GPRC6A: variants seen among roughly 807,000 people sequenced by gnomAD.
The protein encoded by GPRC6A is G protein-coupled receptor family C group 6 member A.
GPRC6A carries 54 observed loss-of-function variants against 47.0 expected under a neutral mutation model. The ratio of observed to expected loss-of-function variants is 1.15; its 90% CI spans 0.92 to 1.44. The LOEUF (loss-of-function observed/expected upper bound fraction) is 1.44. GPRC6A is among the 40% of genes most tolerant of loss of function. GPRC6A has a pLI of 0.00. For missense variants in GPRC6A, 1,112 were observed against 1,105.5 expected (o/e 1.01, Z -0.08); for synonymous variants, 347 against 377.1 (o/e 0.92, Z 0.93).
intron 4 of GPRC6A, among the ~76,000 whole-genome samples, chr6:116,798,894 A>G (rs1204024058): frequency 6.6e-6 from 1 of 152,036 alleles, no homozygotes; most frequent in African/African-American, 2.4e-5. Flanking sequence ...GAAAAAAAAA[A>G]AAAAAAAGAA....
Position 116,821,959 on chromosome 6 carries a change from C to A in GPRC6A, c.194+6861G>T, listed in dbSNP as rs766546399. Among the ~76,000 whole-genome samples the A allele has an allele frequency of 2.2e-3, 332 of 148,498 alleles. 3 individuals carry two copies. Among genetic ancestry groups the A allele is most frequent in the Non-Finnish European group, 3.8e-3 (256 of 67,458 alleles). ...TGGGAGAAAATTTTCACAACCTACT[C>A]ATCTGACAAAGGTCTAATATCCAGA... On this transcript the variant is annotated intron_variant, in intron 1 of 5. Coordinates refer to ENST00000310357, the MANE Select transcript of GPRC6A (RefSeq NM_148963.4).
chr6:116,810,965 G>A (rs1239115243), intron 1 of GPRC6A, among the ~76,000 whole-genome samples: 3 of 152,052 alleles, frequency 2.0e-5, no homozygotes, highest in African/African-American at 4.8e-5. Context: ...TCCACTATCA[G>A]TATTTGAGTA....
chr6:116,794,171 A>G (rs1325892663), intron 5 of GPRC6A, among the ~76,000 whole-genome samples: 1 of 152,132 alleles, frequency 6.6e-6, no homozygotes, highest in Non-Finnish European at 1.5e-5. Flanking sequence ...ATCTGATGAC[A>G]CCCCACAGCC....
Position 116,809,564 on chromosome 6 carries a change from A to C in GPRC6A, c.248T>G (p.Met83Arg), listed in dbSNP as rs754501914. The C allele has an allele frequency of 1.2e-6, 2 of 1,612,768 alleles. No homozygotes were observed. Among genetic ancestry groups the C allele is most frequent in the South Asian group, 1.1e-5 (1 of 91,060 alleles). Residue 83 changes from methionine (M) to arginine (R), a missense_variant, in exon 2 of 6, where the codon ATG (methionine) becomes AGG (arginine). Coordinates refer to ENST00000310357, the MANE Select transcript of GPRC6A (RefSeq NM_148963.4). ...AGGTAAGAGTGTTGAATTGTTGATC[A>C]TCTCAATGCTGTGTATCATGGCAAG... ...QTLAMIHSIE[M>R]INNSTLLPGV...
At chr6:116,823,089 T>A (rs977542295) in intron 1 of GPRC6A, among the ~76,000 whole-genome samples, 1 of 151,984 alleles carries the variant, frequency 6.6e-6, no homozygotes, top group African/African-American at 2.4e-5. Flanking sequence ...CCAGAAATTT[T>A]TGTTTGTTTG....
At chr6:116,802,287 GTTAATC>G (rs770284967) in intron 3 of GPRC6A, among the ~76,000 whole-genome samples, 6 of 152,024 alleles carry the variant, frequency 3.9e-5, no homozygotes, top group Non-Finnish European at 7.4e-5. Flanking sequence ...TTGAAGTAAG[GTTAATC>G]TTAAACATTA....
chr6:116,815,546 G>C (rs888454753), intron 1 of GPRC6A, among the ~76,000 whole-genome samples: 4 of 152,122 alleles, frequency 2.6e-5, no homozygotes, highest in Non-Finnish European at 5.9e-5. Flanking sequence ...AGAACATTTT[G>C]TCCAACAACT....
chr6:116,829,056 C>G lies in GPRC6A; in HGVS notation c.-43G>C. The G allele has an allele frequency of 6.4e-7, 1 of 1,570,360 alleles. No individual in the cohort carries two copies. Among genetic ancestry groups the G allele is most frequent in the African/African-American group, 1.4e-5 (1 of 73,512 alleles). On this transcript the variant is annotated 5_prime_UTR_variant, in exon 1 of 6. The change abolishes an upstream ATG in the 5' untranslated region. Coordinates refer to ENST00000310357, the MANE Select transcript of GPRC6A (RefSeq NM_148963.4). The stretch of plus-strand genomic sequence containing the variant: ...TCAGTTCATGTGAGTTCTTAGGAAT[C>G]ATTAAGTGCACGGAGTGCCAGCAAG...
chr6:116,811,983 C>A (rs1019023295), intron 1 of GPRC6A, among the ~76,000 whole-genome samples: 1 of 151,918 alleles, frequency 6.6e-6, no homozygotes, highest in African/African-American at 2.4e-5. Flanking sequence ...AAAAACTTTC[C>A]ACATCCAGCA....
chr6:116,796,999 CATTAGGT>C (rs758044927), intron 4 of GPRC6A, among the ~76,000 whole-genome samples: 15 of 152,124 alleles, frequency 9.9e-5, no homozygotes, highest in Non-Finnish European at 1.6e-4. Context: ...CGTCATCTAG[CATTAGGT>C]ATATCTCCCA....
At chr6:116,801,144 A>G (rs1772662816) in intron 3 of GPRC6A, among the ~76,000 whole-genome samples, 2 of 152,174 alleles carry the variant, frequency 1.3e-5, no homozygotes, top group Admixed American at 6.5e-5. Flanking sequence ...TCATCAATGC[A>G]AGTACAATTA....
chr6:116,812,761 A>C (rs1483330251), intron 1 of GPRC6A, among the ~76,000 whole-genome samples: 2 of 152,228 alleles, frequency 1.3e-5, no homozygotes, highest in Admixed American at 6.5e-5. Flanking sequence ...TGGCCAGGGC[A>C]ATCAGGCAAG....
At chr6:116,824,333 T>G (rs1317364867) in intron 1 of GPRC6A, among the ~76,000 whole-genome samples, 1 of 151,264 alleles carries the variant, frequency 6.6e-6, no homozygotes, top group Non-Finnish European at 1.5e-5. Context: ...TAAAAAAAAT[T>G]TATAAATCAT....
In GPRC6A at chr6:116,818,528, C is replaced by T. The variant is rs1308920726; in HGVS notation, c.195-8911G>A. Among the ~76,000 whole-genome samples the T allele has an allele frequency of 7.0e-4, 13 of 18,636 alleles. No homozygotes were observed. The South Asian group carries it at 0.019, about 27-fold the overall frequency. 12.2% of individuals were successfully genotyped at this position (18,636 alleles called of 152,430 possible). A position where few individuals can be genotyped will look rare whatever the true frequency, so the allele number is the denominator to read the frequency against. On this transcript the variant is annotated intron_variant, in intron 1 of 5. Transcript: ENST00000310357. ...CAGCCTGGGCGACAGAGCGAGACTC[C>T]GTCTAAAAAAAAAAAAAAAAAAAAA...
chr6:116,795,299 G>A (rs538148239), intron 5 of GPRC6A, among the ~76,000 whole-genome samples: 75 of 152,126 alleles, frequency 4.9e-4, no homozygotes, highest in Admixed American at 9.8e-4. Context: ...TCTTAACTCC[G>A]GGTGCCTCTG....
Position 116,829,040 on chromosome 6 carries a change from G to T in GPRC6A, c.-27C>A, listed in dbSNP as rs777765190. The T allele has an allele frequency of 6.3e-7, 1 of 1,589,098 alleles. No homozygotes were observed. Among genetic ancestry groups the T allele is most frequent in the Admixed American group, 1.8e-5 (1 of 56,812 alleles). ...TTTCTATCTCATTTGCTCAGTTCAT[G>T]TGAGTTCTTAGGAATCATTAAGTGC... On this transcript the variant is annotated 5_prime_UTR_variant, in exon 1 of 6. Coordinates refer to ENST00000310357, the MANE Select transcript of GPRC6A (RefSeq NM_148963.4).
At chr6:116,812,060 C>T (rs1773042535) in intron 1 of GPRC6A, among the ~76,000 whole-genome samples, 1 of 152,132 alleles carries the variant, frequency 6.6e-6, no homozygotes, top group African/African-American at 2.4e-5. Flanking sequence ...ACAAATTCTC[C>T]ACAGCACATT....
intron 1 of GPRC6A, among the ~76,000 whole-genome samples, chr6:116,811,288 C>A (rs1773015928): frequency 6.6e-6 from 1 of 152,042 alleles, no homozygotes; most frequent in South Asian, 2.1e-4. Flanking sequence ...TCTATTCATC[C>A]TTAGGAAACA....
rs1463878079 is a variant in GPRC6A, at chr6:116,822,019, AAACG to A, written c.194+6797_194+6800del. Among the ~76,000 whole-genome samples the A allele has an allele frequency of 1.1e-4, 16 of 142,680 alleles. No homozygotes were observed. In the East Asian group the frequency reaches 2.4e-3, roughly 21 times the overall value. The allele number at this position is 142,680 out of a possible 152,430, so 93.6% of individuals were successfully genotyped here. A position where few individuals can be genotyped will look rare whatever the true frequency, so the allele number is the denominator to read the frequency against. On this transcript the variant is annotated intron_variant, in intron 1 of 5. Coordinates refer to ENST00000310357, the MANE Select transcript of GPRC6A (RefSeq NM_148963.4). Reference sequence around the variant, plus strand: ...GAACTCAAACAAATTTACAAGAAAAAAACGAACAACCCCATCAAAAAGTGGGTGA... The same window carrying A: ...GAACTCAAACAAATTTACAAGAAAAAAACAACCCCATCAAAAAGTGGGTGA...
Sources: allele counts gnomAD v4.1 joint callset (sites outside exome capture counted in the v4.1 genomes callset), GRCh38; gene constraint gnomAD v4.1.1; transcripts MANE v1.5; gene names NCBI Gene and HGNC (gene_info 2026-07-23, HGNC 2026-07-21).